VPS13B: variants seen among roughly 807,000 people sequenced by gnomAD.
VPS13B encodes the protein vacuolar protein sorting 13 homolog B.
A neutral mutation model predicts 426.4 loss-of-function variants in VPS13B; 285 were observed. The observed-to-expected ratio is 0.67, with a 90% CI of 0.61 to 0.74. The LOEUF (loss-of-function observed/expected upper bound fraction) is 0.74, where lower values mean the gene tolerates loss of function less well. Ranked by LOEUF, VPS13B falls within the 30% of genes least tolerant of loss-of-function variation. VPS13B has a pLI of 0.00. For missense variants in VPS13B, 4,537 were observed against 4,782.6 expected, an observed-to-expected ratio of 0.95 and a Z score of 1.51; for synonymous variants, 1,676 against 1,676.4, an observed-to-expected ratio of 1.00 and a Z score of 0.01.
chr8:99,178,034 T>A (rs1323430203), intron 16 of VPS13B, among the ~76,000 whole-genome samples: 1 of 152,230 alleles, frequency 6.6e-6, no homozygotes, highest in Non-Finnish European at 1.5e-5. Flanking sequence ...AATGTATTTT[T>A]TTTTAAAGCG....
intron 19 of VPS13B, among the ~76,000 whole-genome samples, chr8:99,307,783 A>T (rs901494560): frequency 1.3e-5 from 2 of 151,698 alleles, no homozygotes; most frequent in African/African-American, 4.8e-5. Flanking sequence ...TTATTATTTC[A>T]TGTCATCTCC....
chr8:99,871,203 T>G, intron 60 of VPS13B: 1 of 630,328 alleles, frequency 1.6e-6, no homozygotes, highest in Non-Finnish European at 2.7e-6. Flanking sequence ...AGGTGCTATT[T>G]CTAATGGGGA....
intron 35 of VPS13B, chr8:99,696,042 T>A (rs1299997253): frequency 6.5e-6 from 1 of 153,508 alleles, no homozygotes; most frequent in Non-Finnish European, 1.4e-5. Context: ...GTCCACCCCG[T>A]GTACCCTTCC....
chr8:99,288,881 A>G (rs1330741170), intron 19 of VPS13B, among the ~76,000 whole-genome samples: 1 of 152,076 alleles, frequency 6.6e-6, no homozygotes, highest in Non-Finnish European at 1.5e-5. Flanking sequence ...CATAGGAACA[A>G]AGATATTGAT....
chr8:99,472,600 C>T (rs539961863), intron 24 of VPS13B, among the ~76,000 whole-genome samples: 19 of 151,372 alleles, frequency 1.3e-4, no homozygotes, highest in African/African-American at 4.1e-4. Flanking sequence ...TTAAATCAGC[C>T]ATTTAAGGTT....
At position 99,861,930 on chromosome 8, in the gene VPS13B, G is replaced by A. The variant is rs1212396486; in HGVS notation, c.11199G>A (p.Leu3733=). Residue 3733 remains leucine (L), a synonymous_variant, in exon 58 of 62, where the codon CTG becomes CTA. Transcript: ENST00000357162. ...GGCTTCGACAGGGCCTGTCCCGGCT[G>A]GGCATCAGCCTGCTTGGTAAGGGGC... The part of the protein sequence containing the change: ...GEGLRQGLSR[L]GISLLGAIAG... 3 of 1,594,334 alleles carry A rather than the reference G, an allele frequency of 1.9e-6. No homozygotes were observed. The South Asian group carries it at 3.4e-5, about 18-fold the overall frequency.
At chr8:99,454,372 G>A (rs920919031) in intron 23 of VPS13B, among the ~76,000 whole-genome samples, 1 of 152,086 alleles carries the variant, frequency 6.6e-6, no homozygotes, top group Admixed American at 6.5e-5. Context: ...GTCTTGCTGT[G>A]TTGCAAAGGG....
At chr8:99,809,600 A>G in intron 44 of VPS13B, 70 bp downstream of exon 44, 1 of 1,591,152 alleles carries the variant, frequency 6.3e-7, no homozygotes, top group Non-Finnish European at 8.6e-7. Context: ...AAAATAATTA[A>G]TAATTTTTTT....
intron 17 of VPS13B, among the ~76,000 whole-genome samples, chr8:99,218,953 C>A (rs908699053): frequency 1.3e-5 from 2 of 152,140 alleles, no homozygotes; most frequent in Admixed American, 1.3e-4. Flanking sequence ...TGGATCCAGG[C>A]AGCAATTGTG....
chr8:99,319,759 C>T (rs1399932484), intron 19 of VPS13B, among the ~76,000 whole-genome samples: 3 of 152,150 alleles, frequency 2.0e-5, no homozygotes, highest in Non-Finnish European at 4.4e-5. Flanking sequence ...TACTTACCGC[C>T]TTCTTACTGA....
chr8:99,823,928 A>T lies in VPS13B; in HGVS notation c.9280A>T (p.Ile3094Leu), dbSNP rs1274597762. The stretch of plus-strand genomic sequence containing the variant: ...AATAATCAATAATACACCATATCAA[A>T]TATTTTATAAACCACAGCTATCTGT... ...TTIINNTPYQ[I>L]FYKPQLSVCN... The change falls in exon 51 of 62, where the codon ATA (isoleucine) becomes TTA (leucine). Residue 3094 changes from isoleucine (I) to leucine (L), a missense_variant. Coordinates refer to ENST00000357162, the MANE Select transcript of VPS13B (RefSeq NM_152564.5). 6.2e-7 allele frequency: 1 copy of T among 1,613,480 alleles called. No homozygotes were observed. The highest frequency in any genetic ancestry group is 1.1e-5 in the South Asian group (1 of 91,070).
At chr8:99,766,139 G>A (rs1026677662) in intron 39 of VPS13B, among the ~76,000 whole-genome samples, 2 of 137,132 alleles carry the variant, frequency 1.5e-5, no homozygotes, top group African/African-American at 5.7e-5. Context: ...GCAGTCACTG[G>A]TGTGACCGCT....
At chr8:99,639,239 G>C (rs1290406909) in intron 33 of VPS13B, among the ~76,000 whole-genome samples, 1 of 152,224 alleles carries the variant, frequency 6.6e-6, no homozygotes, top group East Asian at 1.9e-4. Flanking sequence ...GTCTGATACT[G>C]TCACCACAAA....
chr8:99,326,412 T>C (rs1335078185), intron 19 of VPS13B, among the ~76,000 whole-genome samples: 2 of 145,336 alleles, frequency 1.4e-5, no homozygotes, highest in Non-Finnish European at 3.0e-5. Context: ...ATTAAATAAT[T>C]TGAAATAAGG....
chr8:99,052,843 T>C (rs1843632299), intron 3 of VPS13B, among the ~76,000 whole-genome samples: 3 of 152,352 alleles, frequency 2.0e-5, no homozygotes, highest in South Asian at 4.1e-4. Flanking sequence ...TATTCTCTGA[T>C]GGTAGTTTGT....
At chr8:99,447,693 C>A (rs2133452410) in intron 23 of VPS13B, among the ~76,000 whole-genome samples, 1 of 152,136 alleles carries the variant, frequency 6.6e-6, no homozygotes, top group Non-Finnish European at 1.5e-5. Context: ...TGTGTGTGTG[C>A]ATGCATGTGT....
At chr8:99,664,695 A>C (rs1488644993) in intron 35 of VPS13B, among the ~76,000 whole-genome samples, 1 of 151,970 alleles carries the variant, frequency 6.6e-6, no homozygotes, top group East Asian at 1.9e-4. Flanking sequence ...TATGTGCCAC[A>C]TTTTCTTAAT....
chr8:99,163,435 G>A (rs1013792719), intron 15 of VPS13B, among the ~76,000 whole-genome samples: 13 of 152,220 alleles, frequency 8.5e-5, no homozygotes, highest in Non-Finnish European at 1.3e-4. Flanking sequence ...GGGACTGGGC[G>A]CCGTGGAATA....
chr8:99,583,475 T>C (rs1280849742), intron 33 of VPS13B, among the ~76,000 whole-genome samples: 1 of 152,232 alleles, frequency 6.6e-6, no homozygotes, highest in Non-Finnish European at 1.5e-5. Context: ...TGCTATGAAC[T>C]GTCATTGAGC....
Sources: gnomAD v4.1 joint callset for allele counts (sites outside exome capture counted in the v4.1 genomes callset) on GRCh38, gnomAD v4.1.1 for gene constraint, MANE v1.5 for transcripts, NCBI Gene and HGNC (gene_info 2026-07-23, HGNC 2026-07-21) for gene names.